KDM2A: variants seen among roughly 807,000 people sequenced by gnomAD.
The protein encoded by KDM2A is lysine demethylase 2A.
KDM2A carries 3 observed loss-of-function variants against 137.3 expected under a neutral mutation model. The observed-to-expected ratio is 0.02, with a 90% CI of 0.01 to 0.06. The LOEUF (loss-of-function observed/expected upper bound fraction) is 0.06. Among genes scored for constraint, KDM2A ranks in the 10% least tolerant of loss-of-function variants. The pLI is 1.00. For missense variants in KDM2A, 738 were observed against 1,510.6 expected, an observed-to-expected ratio of 0.49 and a Z score of 8.48; for synonymous variants, 512 against 541.5, an observed-to-expected ratio of 0.95 and a Z score of 0.76.
At chr11:67,243,207 C>A (rs976260108) in intron 13 of KDM2A, 115 bp downstream of exon 13, 88 of 700,762 alleles carry the variant, frequency 1.3e-4, no homozygotes, top group Non-Finnish European at 1.9e-4. Context: ...TGCATTAATA[C>A]AAACTGACAG....
At chr11:67,221,812 G>A (rs1858359628) in intron 10 of KDM2A, among the ~76,000 whole-genome samples, 2 of 152,042 alleles carry the variant, frequency 1.3e-5, no homozygotes, top group Non-Finnish European at 1.5e-5. Context: ...GTGCATGCCT[G>A]TAATCCTAGC....
chr11:67,140,752 C>CA (rs956315207), intron 2 of KDM2A, among the ~76,000 whole-genome samples: 222 of 143,818 alleles, frequency 1.5e-3, no homozygotes, highest in African/African-American at 4.1e-3. Context: ...AACTTTGTCT[C>CA]AAAAAAAAAA....
chr11:67,182,342 A>G (rs1590755642), intron 5 of KDM2A, among the ~76,000 whole-genome samples: 1 of 152,196 alleles, frequency 6.6e-6, no homozygotes, highest in African/African-American at 2.4e-5. Flanking sequence ...ATTAAAATTG[A>G]GTCTTTTAAT....
intron 12 of KDM2A, among the ~76,000 whole-genome samples, chr11:67,238,618 T>C (rs1412899708): frequency 2.0e-5 from 3 of 152,210 alleles, no homozygotes; most frequent in Admixed American, 6.5e-5. Context: ...AAATAACATA[T>C]GTAGCCCCTG....
At chr11:67,219,198 G>A in intron 9 of KDM2A, 90 bp from the exon 10 acceptor site, 3 of 494,536 alleles carry the variant, frequency 6.1e-6, no homozygotes, top group African/African-American at 6.0e-5. Context: ...AGAGTGAAGA[G>A]TGTGATCTAG....
intron 2 of KDM2A, among the ~76,000 whole-genome samples, chr11:67,151,253 G>A (rs989860446): frequency 3.3e-5 from 5 of 152,066 alleles, no homozygotes; most frequent in East Asian, 1.9e-4. Flanking sequence ...TGTGTTGTAC[G>A]CTATGGTAGC....
At chr11:67,227,941 GAGAGT>G in intron 10 of KDM2A, 91 bp from the exon 11 acceptor site, 1 of 1,283,504 alleles carries the variant, frequency 7.8e-7, no homozygotes, top group South Asian at 1.3e-5. Flanking sequence ...GTTGACTGGT[GAGAGT>G]ATTTCCTGGG....
chr11:67,245,440 C>G lies in KDM2A; in HGVS notation c.1815C>G (p.Val605=). Residue 605 remains valine (V), a synonymous_variant, in exon 14 of 21, where the codon GTC becomes GTG. Transcript: ENST00000529006. This position sits in a 1 kb window ranked among gnomAD's most constrained non-coding sequence, Gnocchi z 4.1. ...CTGGACGCATGAAGCAGTCCTGTGT[C>G]CTCCGACAGTGCTTGGCAGTGAGTG... is the stretch of plus-strand genomic sequence containing the variant. ...GGPGRMKQSC[V]LRQCLAPRLP... 1 of 1,613,662 alleles carries G rather than the reference C, an allele frequency of 6.2e-7. No homozygotes were observed. The highest frequency in any genetic ancestry group is 1.7e-4 in the Middle Eastern group (1 of 5,820).
At chr11:67,243,852 A>C (rs1028330459) in intron 13 of KDM2A, 1 of 152,334 alleles carries the variant, frequency 6.6e-6, no homozygotes, top group East Asian at 1.9e-4. Context: ...AATTACTGTC[A>C]GCTAATAAAT....
intron 2 of KDM2A, among the ~76,000 whole-genome samples, chr11:67,176,634 C>G (rs1013041170): frequency 1.3e-5 from 2 of 152,186 alleles, no homozygotes; most frequent in African/African-American, 2.4e-5. Flanking sequence ...GTGGTATAGC[C>G]TACTACGCAC....
intron 2 of KDM2A, among the ~76,000 whole-genome samples, chr11:67,154,535 C>T (rs200991467): frequency 2.0e-5 from 3 of 152,060 alleles, no homozygotes; most frequent in African/African-American, 2.4e-5. Flanking sequence ...TGGGTTCAGG[C>T]GATTCTCCTG....
chr11:67,172,614 AGTTGT>A (rs1856901103), intron 2 of KDM2A, among the ~76,000 whole-genome samples: 1 of 80,118 alleles, frequency 1.2e-5, no homozygotes, highest in Admixed American at 1.6e-4. Flanking sequence ...TAGCTCTTAT[AGTTGT>A]GTGTGTGTGT....
chr11:67,243,361 A>G (rs1463028374), intron 13 of KDM2A: 8 of 288,072 alleles, frequency 2.8e-5, no homozygotes, highest in Non-Finnish European at 5.4e-5. Context: ...ATCCGCTTCT[A>G]TCCTTGTGAC....
chr11:67,130,760 C>T (rs1199098172), intron 2 of KDM2A, among the ~76,000 whole-genome samples: 1 of 151,976 alleles, frequency 6.6e-6, no homozygotes, highest in Non-Finnish European at 1.5e-5. Flanking sequence ...ATTCAGTAAA[C>T]ATTTATTATA....
At chr11:67,212,191 T>A (rs1858016113) in intron 6 of KDM2A, among the ~76,000 whole-genome samples, 1 of 152,144 alleles carries the variant, frequency 6.6e-6, no homozygotes, top group South Asian at 2.1e-4. Flanking sequence ...GATGACCTAA[T>A]TTAGAAACTA....
chr11:67,126,695 G>A (rs531261250), intron 2 of KDM2A, among the ~76,000 whole-genome samples: 3 of 145,414 alleles, frequency 2.1e-5, no homozygotes, highest in Non-Finnish European at 4.5e-5. Flanking sequence ...GCGACAGAGC[G>A]AGACTCCATT....
chr11:67,216,957 G>T (rs1590795482), intron 8 of KDM2A, among the ~76,000 whole-genome samples: 1 of 151,706 alleles, frequency 6.6e-6, no homozygotes, highest in South Asian at 2.1e-4. Context: ...AAAAACATGA[G>T]GTCTTGTCCG....
At chr11:67,218,984 C>A (rs1858252029) in intron 9 of KDM2A, among the ~76,000 whole-genome samples, 1 of 152,142 alleles carries the variant, frequency 6.6e-6, no homozygotes, top group South Asian at 2.1e-4. Context: ...GATTGGACAC[C>A]CCTGAATTGT....
At chr11:67,218,973 AG>A (rs1858251585) in intron 9 of KDM2A, among the ~76,000 whole-genome samples, 1 of 152,230 alleles carries the variant, frequency 6.6e-6, no homozygotes, top group Admixed American at 6.5e-5. Flanking sequence ...GGAAGCCAAA[AG>A]ATTGGACACC....
Sources: allele counts gnomAD v4.1 joint callset (sites outside exome capture counted in the v4.1 genomes callset), GRCh38; gene constraint gnomAD v4.1.1; non-coding constraint Gnocchi (gnomAD v3.1); transcripts MANE v1.5; gene names NCBI Gene and HGNC (gene_info 2026-07-23, HGNC 2026-07-21).